Variants in DAP3 observed in about 807,000 individuals in gnomAD.
DAP3 encodes small ribosomal subunit protein mS29.
A neutral mutation model predicts 51.9 loss-of-function variants in DAP3; 28 were observed. The ratio of observed to expected loss-of-function variants is 0.54; its 90% CI spans 0.40 to 0.74. The LOEUF is 0.74. Ranked by LOEUF, DAP3 falls within the 30% of genes least tolerant of loss-of-function variation. The pLI is 0.00. For synonymous variants in DAP3, 170 were observed against 170.3 expected (o/e 1.00, Z 0.01); for missense variants, 458 against 483.5 (o/e 0.95, Z 0.49).
At chr1:155,731,520 A>T (rs1659244154) in intron 10 of DAP3, 105 bp downstream of exon 10, 2 of 1,150,386 alleles carry the variant, frequency 1.7e-6, no homozygotes, top group African/African-American at 3.1e-5. Flanking sequence ...AATTTTATGG[A>T]CAGTAAGTTA....
At chr1:155,704,112 A>G (rs1414359563) in intron 1 of DAP3, among the ~76,000 whole-genome samples, 1 of 152,142 alleles carries the variant, frequency 6.6e-6, no homozygotes, top group East Asian at 1.9e-4. Flanking sequence ...GTGCCACTGC[A>G]CTCCAGCCTG....
At position 155,721,939 on chromosome 1, in the gene DAP3, C is replaced by T. The variant is rs563982326; in HGVS notation, c.270+321C>T. The stretch of plus-strand genomic sequence containing the variant: ...GCTGCACAAAAGCAAAATCATAGTA[C>T]ACTCCTGAGCTAAATAGAAGCAATA... On this transcript the variant is annotated intron_variant, in intron 4 of 12. Coordinates refer to ENST00000368336, the MANE Select transcript of DAP3 (RefSeq NM_004632.4). The T allele has an allele frequency of 3.5e-5, 15 of 433,340 alleles. No individual in the cohort carries two copies. In the South Asian group the frequency reaches 8.5e-4, roughly 25 times the overall value. The allele number at this position is 433,340 out of a possible 1,614,324, so 26.8% of individuals were successfully genotyped here.
Position 155,738,430 on chromosome 1 carries a change from T to C in DAP3, c.*188T>C, listed in dbSNP as rs761484757. 4.1e-6 allele frequency: 2 copies of C among 482,948 alleles called. No homozygotes were observed. The highest frequency in any genetic ancestry group is 8.4e-5 in the South Asian group (2 of 23,816). 29.9% of individuals were successfully genotyped at this position (482,948 alleles called of 1,614,324 possible). On this transcript the variant is annotated 3_prime_UTR_variant, in exon 13 of 13. Coordinates refer to ENST00000368336, the MANE Select transcript of DAP3 (RefSeq NM_004632.4). Reference sequence around the variant, plus strand: ...ACTGTGAATGCGTGACAATAAGATATTCCCTTGTTCCTAAAACTTTATATC... The same window carrying C: ...ACTGTGAATGCGTGACAATAAGATACTCCCTTGTTCCTAAAACTTTATATC...
upstream of DAP3, chr1:155,688,655 GTACCT>G: frequency 4.6e-6 from 7 of 1,533,710 alleles, no homozygotes; most frequent in Non-Finnish European, 6.1e-6. Context: ...GCCCTCACGC[GTACCT>G]TCAGCGGCGC....
At chr1:155,727,846 A>G in intron 7 of DAP3, 108 bp downstream of exon 7, 1 of 1,266,994 alleles carries the variant, frequency 7.9e-7, no homozygotes, top group Non-Finnish European at 1.1e-6. Flanking sequence ...GAATAACTGT[A>G]TCATTTTTAA....
chr1:155,717,177 T>G (rs1046603491), intron 3 of DAP3, 49 bp downstream of exon 3: 1 of 1,585,594 alleles, frequency 6.3e-7, no homozygotes, highest in Non-Finnish European at 8.6e-7. Flanking sequence ...ATGATTTGTG[T>G]TCCTGTCCTC....
chr1:155,732,734 C>T (rs994451714), intron 11 of DAP3, among the ~76,000 whole-genome samples: 5 of 152,104 alleles, frequency 3.3e-5, no homozygotes, highest in African/African-American at 4.8e-5. Flanking sequence ...ATTAAGTTGT[C>T]ATGTCTCTGG....
chr1:155,728,418 C>T lies in DAP3; in HGVS notation c.604-624C>T, dbSNP rs539064387. ...CTCTACTAAAAATACAAATATTAGC[C>T]GGGTGTGGTGGTGCACGCCTGTAGG... On this transcript the variant is annotated intron_variant, in intron 7 of 12. Transcript: ENST00000368336. Among the ~76,000 whole-genome samples, 4 of 151,418 alleles carry T rather than the reference C, an allele frequency of 2.6e-5. 1 individual carries two copies. In the South Asian group the frequency reaches 8.4e-4, roughly 32 times the overall value.
intron 1 of DAP3, 100 bp downstream of exon 1, chr1:155,689,274 C>T (rs1653306210): frequency 1.5e-6 from 1 of 655,724 alleles, no homozygotes; most frequent in South Asian, 1.5e-5. Flanking sequence ...ACCGGCGCGC[C>T]TCCGGGGGGG....
At chr1:155,697,884 C>T (rs527573556) in intron 1 of DAP3, among the ~76,000 whole-genome samples, 2 of 152,304 alleles carry the variant, frequency 1.3e-5, no homozygotes, top group South Asian at 2.1e-4. Flanking sequence ...ATAAGACAGA[C>T]ACTCCCAGAG....
intron 9 of DAP3, 110 bp from the exon 10 acceptor site, chr1:155,731,246 G>T: frequency 9.4e-7 from 1 of 1,066,274 alleles, no homozygotes; most frequent in South Asian, 1.3e-5. Flanking sequence ...CAGCCTGGGC[G>T]ACAGAGCGAG....
intron 4 of DAP3, chr1:155,721,956 G>T: frequency 5.3e-6 from 2 of 379,180 alleles, no homozygotes; most frequent in South Asian, 1.7e-4. Flanking sequence ...GAGCTAAATA[G>T]AAGCAATATT....
At position 155,727,721 on chromosome 1, in the gene DAP3, G is replaced by C. The variant is rs755886022; in HGVS notation, c.586G>C (p.Glu196Gln). ...GCTGAAGAATTTCAAAACTACAAAT[G>C]AGCGCTTCCTGAACCAGGTGACTAG... ...TWLKNFKTTN[E>Q]RFLNQIKVQE... is the part of the protein sequence containing the mutation. The change falls in exon 7 of 13, where the codon GAG becomes CAG. Residue 196 changes from glutamate (E) to glutamine (Q), a missense_variant. Physicochemically the swap from Glu to Gln is conservative, Grantham distance 29. Transcript: ENST00000368336. 6 of 1,613,348 alleles carry C rather than the reference G, an allele frequency of 3.7e-6. No individual in the cohort carries two copies. In the African/African-American group the frequency reaches 8.0e-5, roughly 22 times the overall value.
chr1:155,718,709 T>A (rs149965229), intron 3 of DAP3, among the ~76,000 whole-genome samples: 2,297 of 78,728 alleles, frequency 0.029, 63 homozygotes, highest in African/African-American at 0.1. Context: ...GAAAGAAAGA[T>A]AGATAGATAG....
chr1:155,688,286 G>A, upstream of DAP3: 3 of 1,583,454 alleles, frequency 1.9e-6, no homozygotes, highest in Non-Finnish European at 2.6e-6. Flanking sequence ...AACCGACACT[G>A]GGATCGTTTC....
chr1:155,721,529 G>A lies in DAP3; in HGVS notation c.181G>A (p.Asp61Asn), dbSNP rs767996923. Reference protein sequence around the residue: ...TNENDPAKHGDQHEGQHYNIS... With the variant: ...TNENDPAKHGNQHEGQHYNIS... ...TCTTATTTCCTAGGCCAAGCATGGG[G>A]ATCAGCACGAGGGTCAGCACTACAA... Residue 61 changes from aspartate (D) to asparagine (N), a missense_variant, in exon 4 of 13, where the codon GAT becomes AAT. By Grantham distance (23) the Asp-to-Asn change is conservative. Transcript: ENST00000368336. The A allele has an allele frequency of 6.2e-7, 1 of 1,613,682 alleles. No individual in the cohort carries two copies. Among genetic ancestry groups the A allele is most frequent in the Non-Finnish European group, 8.5e-7 (1 of 1,179,970 alleles).
At chr1:155,715,526 AAAAGAGAG>A (rs1285690120) in intron 2 of DAP3, among the ~76,000 whole-genome samples, 16 of 113,570 alleles carry the variant, frequency 1.4e-4, no homozygotes, top group African/African-American at 8.1e-4. Context: ...TGTCTTAAAA[AAAAGAGAG>A]AGAGAGAGAG....
At chr1:155,719,083 A>C (rs939392257) in intron 3 of DAP3, among the ~76,000 whole-genome samples, 1 of 152,158 alleles carries the variant, frequency 6.6e-6, no homozygotes, top group Non-Finnish European at 1.5e-5. Context: ...GAGGGCAGCA[A>C]CCAGCATTCT....
At chr1:155,690,575 G>GAAA (rs1405516865) in intron 1 of DAP3, among the ~76,000 whole-genome samples, 1 of 141,708 alleles carries the variant, frequency 7.1e-6, no homozygotes, top group Non-Finnish European at 1.5e-5. Flanking sequence ...AAAAGCTGAG[G>GAAA]AAATGCAAAT....
Sources: allele counts gnomAD v4.1 joint callset (sites outside exome capture counted in the v4.1 genomes callset), GRCh38; gene constraint gnomAD v4.1.1; transcripts MANE v1.5; gene names NCBI Gene and HGNC (gene_info 2026-07-23, HGNC 2026-07-21).